The following CNTNAP2 variants were observed in gnomAD, a reference collection of about 807,000 sequenced individuals.
CNTNAP2 encodes the protein contactin-associated protein-like 2.
Under a neutral mutation model 155.2 loss-of-function variants are expected in CNTNAP2, and 98 were observed. The ratio of observed to expected loss-of-function variants is 0.63; its 90% CI spans 0.54 to 0.75. CNTNAP2 has a LOEUF of 0.75. CNTNAP2 is among the 30% of genes least tolerant of loss of function. The probability of loss-of-function intolerance (pLI) is 0.00; values close to 1 mark genes in which losing one functional copy is unlikely to be tolerated. For synonymous variants in CNTNAP2, 651 were observed against 631.2 expected, an observed-to-expected ratio of 1.03 and a Z score of -0.47; for missense variants, 1,727 against 1,688.1, an observed-to-expected ratio of 1.02 and a Z score of -0.40.
intron 1 of CNTNAP2, among the ~76,000 whole-genome samples, chr7:146,573,308 A>T (rs1469277864): frequency 1.3e-5 from 2 of 152,082 alleles, no homozygotes; most frequent in African/African-American, 2.4e-5. Flanking sequence ...ATGCCTAGCT[A>T]AGTTTTGTAT....
chr7:146,573,836 T>C (rs991474668), intron 1 of CNTNAP2, among the ~76,000 whole-genome samples: 2 of 152,236 alleles, frequency 1.3e-5, no homozygotes, highest in African/African-American at 4.8e-5. Context: ...TTAAATCTTT[T>C]CTTCATAGGG....
intron 1 of CNTNAP2, among the ~76,000 whole-genome samples, chr7:146,399,027 T>TA (rs979616371): frequency 1.5e-4 from 23 of 152,068 alleles, no homozygotes; most frequent in African/African-American, 5.6e-4. Flanking sequence ...AGTTATTTTT[T>TA]ATAACAGAAT....
intron 1 of CNTNAP2, among the ~76,000 whole-genome samples, chr7:146,352,750 G>GTTTTTTTTTTTTTTCTT (rs1794935051): frequency 1.6e-5 from 1 of 64,336 alleles, no homozygotes; most frequent in Non-Finnish European, 2.9e-5. Flanking sequence ...GCATAATTCT[G>GTTTTTTTTTTTTTTCTT]TTTTTTTTTT....
intron 1 of CNTNAP2, among the ~76,000 whole-genome samples, chr7:146,616,848 A>C (rs1185462038): frequency 6.6e-6 from 1 of 152,206 alleles, no homozygotes; most frequent in Non-Finnish European, 1.5e-5. Flanking sequence ...CTACACAATT[A>C]TCTCTTATAA....
intron 1 of CNTNAP2, among the ~76,000 whole-genome samples, chr7:146,615,281 A>G (rs1488856988): frequency 1.3e-5 from 2 of 152,200 alleles, no homozygotes; most frequent in Admixed American, 1.3e-4. Context: ...CACATTGTTT[A>G]CAAGTTACTT....
At chr7:147,654,004 A>T (rs112519290) in intron 13 of CNTNAP2, among the ~76,000 whole-genome samples, 120 of 152,356 alleles carry the variant, frequency 7.9e-4, no homozygotes, top group Middle Eastern at 3.4e-3. Flanking sequence ...AAACGAGGAC[A>T]AACAGGTTTC....
chr7:147,866,033 C>A (rs1799220281), intron 13 of CNTNAP2, among the ~76,000 whole-genome samples: 1 of 152,304 alleles, frequency 6.6e-6, no homozygotes, highest in East Asian at 1.9e-4. Flanking sequence ...GATTTTAGAT[C>A]TTTCCTGCTT....
At chr7:148,293,058 C>T (rs1249596687) in intron 21 of CNTNAP2, among the ~76,000 whole-genome samples, 1 of 141,626 alleles carries the variant, frequency 7.1e-6, no homozygotes, top group Non-Finnish European at 1.5e-5. Context: ...GTATAGACAT[C>T]GTGATTGACA....
chr7:146,907,300 C>A (rs1378401199), intron 3 of CNTNAP2, among the ~76,000 whole-genome samples: 6 of 143,944 alleles, frequency 4.2e-5, no homozygotes, highest in Admixed American at 1.4e-4. Flanking sequence ...ATACAGAGAA[C>A]GCCACAAAGA....
At chr7:148,061,208 A>T (rs1193656081) in intron 15 of CNTNAP2, among the ~76,000 whole-genome samples, 1 of 123,966 alleles carries the variant, frequency 8.1e-6, no homozygotes, top group East Asian at 3.1e-4. Flanking sequence ...AAATGAAACA[A>T]TTAAAAATGA....
intron 13 of CNTNAP2, among the ~76,000 whole-genome samples, chr7:147,642,471 T>A (rs1267401275): frequency 6.6e-6 from 1 of 152,068 alleles, no homozygotes; most frequent in Non-Finnish European, 1.5e-5. Flanking sequence ...TCTTTCCCCC[T>A]CATTGACATT....
At chr7:147,528,638 A>G (rs1393390287) in intron 11 of CNTNAP2, among the ~76,000 whole-genome samples, 2 of 152,158 alleles carry the variant, frequency 1.3e-5, no homozygotes, top group African/African-American at 4.8e-5. Context: ...CATAAGACAA[A>G]TGGCCTCTCT....
At chr7:146,436,056 A>G (rs1425751149) in intron 1 of CNTNAP2, among the ~76,000 whole-genome samples, 1 of 152,202 alleles carries the variant, frequency 6.6e-6, no homozygotes, top group Non-Finnish European at 1.5e-5. Context: ...TGAGTTATTC[A>G]GCAAAAATAT....
intron 15 of CNTNAP2, among the ~76,000 whole-genome samples, chr7:148,074,578 A>G (rs1803444813): frequency 6.6e-6 from 1 of 151,990 alleles, no homozygotes; most frequent in African/African-American, 2.4e-5. Context: ...AATCCCAGCT[A>G]CTTGGGAGTC....
intron 10 of CNTNAP2, among the ~76,000 whole-genome samples, chr7:147,452,525 T>C (rs370525349): frequency 2.8e-4 from 42 of 152,308 alleles, no homozygotes; most frequent in African/African-American, 9.6e-4. Context: ...GATCAAAATG[T>C]TTCCTATAAA....
chr7:146,947,838 C>T (rs1797222318), intron 3 of CNTNAP2, among the ~76,000 whole-genome samples: 1 of 151,610 alleles, frequency 6.6e-6, no homozygotes, highest in South Asian at 2.1e-4. Flanking sequence ...CCTATTACTT[C>T]GAGGCTACAG....
At chr7:146,130,147 G>A (rs1797693321) in intron 1 of CNTNAP2, among the ~76,000 whole-genome samples, 1 of 152,190 alleles carries the variant, frequency 6.6e-6, no homozygotes. Context: ...AAATAGAAAA[G>A]AAATTTTCAC....
chr7:148,158,222 CTTT>C (rs1224617335), intron 17 of CNTNAP2, among the ~76,000 whole-genome samples: 1 of 94,794 alleles, frequency 1.1e-5, no homozygotes, highest in Non-Finnish European at 1.9e-5. Flanking sequence ...AATGTTTGCG[CTTT>C]TTTTTTTTTT....
chr7:146,732,707 A>G (rs1585064419), intron 1 of CNTNAP2, among the ~76,000 whole-genome samples: 1 of 152,062 alleles, frequency 6.6e-6, no homozygotes, highest in Non-Finnish European at 1.5e-5. Context: ...CCCATAGATA[A>G]CAAGATTCAA....
Sources: gnomAD v4.1 joint callset for allele counts (sites outside exome capture counted in the v4.1 genomes callset) on GRCh38, gnomAD v4.1.1 for gene constraint, MANE v1.5 for transcripts, NCBI Gene and HGNC (gene_info 2026-07-23, HGNC 2026-07-21) for gene names.